Variants in CDK14 observed in about 807,000 individuals in gnomAD.
CDK14 encodes cyclin dependent kinase 14, also known as cyclin-dependent kinase 14.
In CDK14, 34 loss-of-function variants were observed where a neutral mutation model predicts 60.7. The ratio of observed to expected loss-of-function variants is 0.56; its 90% CI spans 0.43 to 0.75. The LOEUF (loss-of-function observed/expected upper bound fraction) is 0.75. Ranked by LOEUF, CDK14 falls within the 30% of genes least tolerant of loss-of-function variation. The probability of loss-of-function intolerance (pLI) is 0.00; values close to 1 mark genes in which losing one functional copy is unlikely to be tolerated. For missense variants in CDK14, 482 were observed against 564.1 expected (o/e 0.85, Z 1.47); for synonymous variants, 197 against 203.7 (o/e 0.97, Z 0.28).
At chr7:91,027,593 T>A (rs1227216981) in intron 10 of CDK14, among the ~76,000 whole-genome samples, 1 of 152,152 alleles carries the variant, frequency 6.6e-6, no homozygotes, top group Non-Finnish European at 1.5e-5. Context: ...TGAAAGTCTG[T>A]ACTATTGTAT....
chr7:90,813,330 G>C (rs553008187), intron 5 of CDK14, among the ~76,000 whole-genome samples: 1 of 152,198 alleles, frequency 6.6e-6, no homozygotes, highest in East Asian at 1.9e-4. Context: ...AAATGTGTCA[G>C]TTCTGGATTG....
intron 10 of CDK14, among the ~76,000 whole-genome samples, chr7:90,998,404 G>A (rs993890202): frequency 4.6e-5 from 7 of 151,884 alleles, no homozygotes; most frequent in African/African-American, 1.7e-4. Context: ...TTTTTTTTGA[G>A]GTAATAGTAA....
rs774684926 is a variant in CDK14 at position 90,951,097 on chromosome 7, C to T, written c.827-4600C>T. 2.8e-4 allele frequency among the ~76,000 whole-genome samples: 42 copies of T among 152,252 alleles called. 1 individual carries two copies. Among genetic ancestry groups the T allele is most frequent in the South Asian group, 2.1e-4 (1 of 4,826 alleles). ...GAATGAAATCCAAAAGCCTTCACCC[C>T]GTGGACTGATTCATGGAATAGAGAA... On this transcript the variant is annotated intron_variant, in intron 8 of 14. Transcript: ENST00000380050.
At chr7:90,772,664 T>C (rs1002547006) in intron 4 of CDK14, among the ~76,000 whole-genome samples, 2 of 152,186 alleles carry the variant, frequency 1.3e-5, no homozygotes, top group African/African-American at 4.8e-5. Context: ...TGTAAGTTTC[T>C]TGAGGCCTCC....
intron 3 of CDK14, among the ~76,000 whole-genome samples, chr7:90,740,253 GTA>G (rs113753789): frequency 0.055 from 7,985 of 144,992 alleles, 684 homozygotes; most frequent in African/African-American, 0.18. Context: ...ATGTGTGTGT[GTA>G]TATATATATA....
chr7:90,677,398 A>G (rs983128975), intron 2 of CDK14, among the ~76,000 whole-genome samples: 1 of 152,218 alleles, frequency 6.6e-6, no homozygotes, highest in Non-Finnish European at 1.5e-5. Context: ...AAGGTGCCTT[A>G]AAGTTATGCT....
chr7:91,047,231 C>T (rs1797266509), intron 11 of CDK14, among the ~76,000 whole-genome samples: 1 of 152,084 alleles, frequency 6.6e-6, no homozygotes. Flanking sequence ...AATTTATGTC[C>T]TAGGCAAATG....
At chr7:90,974,589 T>C (rs1795016876) in intron 9 of CDK14, among the ~76,000 whole-genome samples, 1 of 152,192 alleles carries the variant, frequency 6.6e-6, no homozygotes, top group African/African-American at 2.4e-5. Flanking sequence ...TTTTTTGATA[T>C]CTTAATCTAA....
intron 5 of CDK14, among the ~76,000 whole-genome samples, chr7:90,857,583 G>T (rs1448656117): frequency 4.6e-5 from 7 of 152,154 alleles, no homozygotes; most frequent in Non-Finnish European, 1.5e-5. Flanking sequence ...ATGAAACCAA[G>T]GATGCTTGAA....
chr7:90,868,215 C>T (rs938571334), intron 6 of CDK14, among the ~76,000 whole-genome samples: 5 of 151,588 alleles, frequency 3.3e-5, no homozygotes, highest in African/African-American at 1.2e-4. Flanking sequence ...TAAACATATC[C>T]ATTACTCCAC....
intron 5 of CDK14, among the ~76,000 whole-genome samples, chr7:90,856,314 A>G (rs367645218): frequency 9.9e-5 from 15 of 152,214 alleles, no homozygotes; most frequent in African/African-American, 3.6e-4. Context: ...ATATGTGTGT[A>G]TAAAGAATAA....
chr7:91,076,716 G>A (rs751285087), intron 11 of CDK14, among the ~76,000 whole-genome samples: 4 of 152,052 alleles, frequency 2.6e-5, no homozygotes, highest in Non-Finnish European at 4.4e-5. Flanking sequence ...GAATGAACAG[G>A]CAACAGAATG....
chr7:91,197,439 T>G (rs981664465), intron 14 of CDK14, among the ~76,000 whole-genome samples: 3 of 150,016 alleles, frequency 2.0e-5, no homozygotes, highest in Admixed American at 6.6e-5. Context: ...CCTGGAAACC[T>G]CCTCAGTTCA....
chr7:90,790,091 G>A (rs1805764411), intron 4 of CDK14, among the ~76,000 whole-genome samples: 1 of 133,862 alleles, frequency 7.5e-6, no homozygotes, highest in Admixed American at 8.3e-5. Context: ...AAAAAAAGGG[G>A]AATTTTTTCC....
At chr7:91,177,346 C>T in intron 14 of CDK14, among the ~76,000 whole-genome samples, 1 of 146,088 alleles carries the variant, frequency 6.8e-6, no homozygotes, top group African/African-American at 2.5e-5. Flanking sequence ...AACCCACAGC[C>T]AATATCATAC....
chr7:90,909,128 G>A (rs369863555), intron 7 of CDK14, among the ~76,000 whole-genome samples: 1 of 152,142 alleles, frequency 6.6e-6, no homozygotes, highest in Non-Finnish European at 1.5e-5. Context: ...ATGAAATTGA[G>A]TAGGAAGACC....
Position 91,077,819 on chromosome 7 carries a change from C to G in CDK14, c.1106-1613C>G, listed in dbSNP as rs971596175. Among the ~76,000 whole-genome samples, 11 of 151,122 alleles carry G rather than the reference C, an allele frequency of 7.3e-5. No homozygotes were observed. The East Asian group carries it at 2.1e-3, about 29-fold the overall frequency. ...ACAAAAAAATTCTATAAACTGATTA[C>G]CAAGAATCCAATATTAAAATTGGTA... On this transcript the variant is annotated intron_variant, in intron 11 of 14. Transcript: ENST00000380050.
At chr7:91,082,680 G>T (rs1398456917) in intron 12 of CDK14, among the ~76,000 whole-genome samples, 1 of 152,140 alleles carries the variant, frequency 6.6e-6, no homozygotes, top group Non-Finnish European at 1.5e-5. Flanking sequence ...AACTTTCCTT[G>T]AGTATTTTAT....
At chr7:90,831,491 A>C (rs1395636985) in intron 5 of CDK14, among the ~76,000 whole-genome samples, 1 of 152,190 alleles carries the variant, frequency 6.6e-6, no homozygotes, top group East Asian at 1.9e-4. Context: ...GGGTGGAGAC[A>C]CAGAGCCAAA....
Sources: gnomAD v4.1 joint callset for allele counts (sites outside exome capture counted in the v4.1 genomes callset) on GRCh38, gnomAD v4.1.1 for gene constraint, MANE v1.5 for transcripts, NCBI Gene and HGNC (gene_info 2026-07-23, HGNC 2026-07-21) for gene names.